TGFB1: variants seen among roughly 807,000 people sequenced by gnomAD.
TGFB1 encodes the protein transforming growth factor beta 1.
TGFB1 carries 19 observed loss-of-function variants against 43.8 expected under a neutral mutation model. That is an observed-to-expected ratio of 0.43 (90% CI 0.30 to 0.64). TGFB1 has a LOEUF of 0.64. Among genes scored for constraint, TGFB1 ranks in the 30% least tolerant of loss-of-function variants. The pLI is 0.11. For synonymous variants in TGFB1, 221 were observed against 236.3 expected (o/e 0.94, Z 0.60); for missense variants, 445 against 529.8 (o/e 0.84, Z 1.57).
chr19:41,335,344 G>A (rs919095631), intron 5 of TGFB1, among the ~76,000 whole-genome samples: 22 of 152,004 alleles, frequency 1.4e-4, no homozygotes, highest in African/African-American at 4.8e-4. Context: ...ATGAGCCACC[G>A]CACCCGGCTC....
intron 5 of TGFB1, among the ~76,000 whole-genome samples, chr19:41,339,837 A>G (rs985112432): frequency 4.6e-5 from 7 of 152,216 alleles, no homozygotes; most frequent in Admixed American, 1.3e-4. Context: ...AAAGACCTCA[A>G]TTTGTTCATT....
At chr19:41,344,447 C>CT (rs1029380653) in intron 3 of TGFB1, among the ~76,000 whole-genome samples, 2 of 152,206 alleles carry the variant, frequency 1.3e-5, no homozygotes, top group African/African-American at 4.8e-5. Flanking sequence ...TCATCACTGC[C>CT]TTACAGGTCT....
At chr19:41,347,516 A>G (rs2038129138) in intron 2 of TGFB1, among the ~76,000 whole-genome samples, 1 of 151,972 alleles carries the variant, frequency 6.6e-6, no homozygotes, top group Non-Finnish European at 1.5e-5. Context: ...CTAGGATGCA[A>G]AGAGTCTGAA....
chr19:41,348,130 C>CAA (rs11347492), intron 2 of TGFB1, among the ~76,000 whole-genome samples, 165 bp downstream of exon 2: 3 of 136,802 alleles, frequency 2.2e-5, no homozygotes, highest in Non-Finnish European at 1.6e-5. Flanking sequence ...GACACTGTCT[C>CAA]AAAAAAAAAA....
At chr19:41,344,999 C>A in intron 2 of TGFB1, 135 bp from the exon 3 acceptor site, 1 of 797,552 alleles carries the variant, frequency 1.3e-6, no homozygotes, top group South Asian at 1.5e-5. Context: ...CCCTCTCAGA[C>A]AGCCACCTGT....
intron 5 of TGFB1, among the ~76,000 whole-genome samples, chr19:41,337,290 G>A (rs1485460809): frequency 6.6e-6 from 1 of 151,982 alleles, no homozygotes; most frequent in African/African-American, 2.4e-5. Flanking sequence ...TACAGGGCCC[G>A]CCACCACGCC....
At chr19:41,336,560 A>ATT (rs55943202) in intron 5 of TGFB1, among the ~76,000 whole-genome samples, 10 of 144,062 alleles carry the variant, frequency 6.9e-5, no homozygotes, top group Middle Eastern at 3.7e-3. Context: ...TACTTTTCAT[A>ATT]TTTTTTTTTT....
At chr19:41,351,343 C>A (rs1019344159) in intron 1 of TGFB1, 5 of 152,254 alleles carry the variant, frequency 3.3e-5, no homozygotes, top group African/African-American at 9.6e-5. Flanking sequence ...CTCTGAACCA[C>A]GCGGGACGCC....
At chr19:41,352,657 C>T (rs139178397) in intron 1 of TGFB1, 33 bp downstream of exon 1, 2 of 1,609,562 alleles carry the variant, frequency 1.2e-6, no homozygotes, top group East Asian at 2.2e-5. Context: ...CCTGGGGGCC[C>T]CCCTCCCGGC....
chr19:41,347,760 GGA>G (rs1032550848), intron 2 of TGFB1, among the ~76,000 whole-genome samples: 2 of 149,760 alleles, frequency 1.3e-5, no homozygotes, highest in African/African-American at 4.9e-5. Context: ...CCCAGGAGGC[GGA>G]GGTTGCAGTG....
At chr19:41,343,976 G>C (rs1046552822) in intron 3 of TGFB1, among the ~76,000 whole-genome samples, 2 of 111,980 alleles carry the variant, frequency 1.8e-5, no homozygotes, top group Admixed American at 8.4e-5. Flanking sequence ...CCTTTGCCTG[G>C]AATCTTTTTT....
rs2038226211 is a variant in TGFB1, at chr19:41,352,814, C to G, written c.231G>C (p.Val77=). Residue 77 remains valine, a synonymous_variant, in exon 1 of 7, where the codon GTG becomes GTC. Transcript: ENST00000221930. ...EVPPGPLPEA[V]LALYNSTRDR... ...CGCGGGTGCTGTTGTACAGGGCGAG[C>G]ACGGCCTCGGGCAGCGGGCCGGGCG... 2 of 1,601,036 alleles carry G rather than the reference C, an allele frequency of 1.2e-6. No individual in the cohort carries two copies. The highest frequency in any genetic ancestry group is 1.7e-6 in the Non-Finnish European group (2 of 1,173,974).
chr19:41,335,994 G>GC (rs2037984616), intron 5 of TGFB1, among the ~76,000 whole-genome samples: 2 of 134,936 alleles, frequency 1.5e-5, no homozygotes, highest in East Asian at 4.3e-4. Context: ...TCCTATGAAA[G>GC]TTTTTTTTTT....
At chr19:41,340,846 A>G (rs935116294) in intron 5 of TGFB1, among the ~76,000 whole-genome samples, 1 of 152,174 alleles carries the variant, frequency 6.6e-6, no homozygotes, top group South Asian at 2.1e-4. Context: ...TAGGATTCCA[A>G]TGTTTCAGCT....
chr19:41,353,060 C>G lies in TGFB1; in HGVS notation c.-16G>C. 1 of 1,515,146 alleles carries G rather than the reference C, an allele frequency of 6.6e-7. No individual in the cohort carries two copies. Among genetic ancestry groups the G allele is most frequent in the Non-Finnish European group, 8.8e-7 (1 of 1,136,644 alleles). The allele number at this position is 1,515,146 out of a possible 1,614,324, so 93.9% of individuals were successfully genotyped here. On this transcript the variant is annotated 5_prime_UTR_variant, in exon 1 of 7. Transcript: ENST00000221930. The surrounding 1 kb of genome is among the most constrained non-coding windows in gnomAD (Gnocchi z 5.9). ...AGGGCGGCATGGGGGAGGCGGCGCCCCCCGGCACTGCCGAGAGCGCGAACA... is the reference window on the plus strand; with the variant it reads ...AGGGCGGCATGGGGGAGGCGGCGCCGCCCGGCACTGCCGAGAGCGCGAACA...
chr19:41,333,535 A>G (rs561939919), intron 5 of TGFB1, among the ~76,000 whole-genome samples: 13 of 152,114 alleles, frequency 8.5e-5, no homozygotes, highest in African/African-American at 3.1e-4. Flanking sequence ...TTAATTTGTT[A>G]TTCTTTTTAG....
chr19:41,332,418 CTG>C (rs2037943940), intron 5 of TGFB1, 137 bp from the exon 6 acceptor site: 1 of 930,152 alleles, frequency 1.1e-6, no homozygotes, highest in Admixed American at 2.4e-5. Flanking sequence ...CTTGCACCCA[CTG>C]TGTTAATAAC....
Position 41,342,736 on chromosome 19 carries a change from A to G in TGFB1, c.635-489T>C, listed in dbSNP as rs1187552973. Among the ~76,000 whole-genome samples the G allele has an allele frequency of 1.3e-4, 20 of 152,026 alleles. 1 individual carries two copies. The highest frequency in any genetic ancestry group is 4.6e-4 in the African/African-American group (19 of 41,414). On this transcript the variant is annotated intron_variant, in intron 3 of 6. Transcript: ENST00000221930. ...TCACCATGCTGGCCAGGCTGGTCTC[A>G]AACTCCTGACCTCAGGTGATCCGCC...
chr19:41,353,078 C>G lies in TGFB1; in HGVS notation c.-34G>C. ...CGGCGCCCCCCGGCACTGCCGAGAG[C>G]GCGAACAGGGCTGGTGTGGTGGGGA... is the stretch of plus-strand genomic sequence containing the variant. On this transcript the variant is annotated 5_prime_UTR_variant, in exon 1 of 7. Transcript: ENST00000221930. This position sits in a 1 kb window ranked among gnomAD's most constrained non-coding sequence, Gnocchi z 5.9. The G allele has an allele frequency of 6.7e-7, 1 of 1,499,842 alleles. No individual in the cohort carries two copies. The highest frequency in any genetic ancestry group is 2.5e-5 in the East Asian group (1 of 39,990). 92.9% of individuals were successfully genotyped at this position (1,499,842 alleles called of 1,614,324 possible).
Sources: allele counts gnomAD v4.1 joint callset (sites outside exome capture counted in the v4.1 genomes callset), GRCh38; gene constraint gnomAD v4.1.1; non-coding constraint Gnocchi (gnomAD v3.1); transcripts MANE v1.5; gene names NCBI Gene and HGNC (gene_info 2026-07-23, HGNC 2026-07-21).